ACAD9: variants seen among roughly 807,000 people sequenced by gnomAD.
ACAD9 encodes the protein complex I assembly factor ACAD9, mitochondrial.
Under a neutral mutation model 70.2 loss-of-function variants are expected in ACAD9, and 53 were observed. The ratio of observed to expected loss-of-function variants is 0.75; its 90% CI spans 0.61 to 0.95. ACAD9 has a LOEUF of 0.95. Ranked by LOEUF, ACAD9 falls within the 40% of genes least tolerant of loss-of-function variation. The probability of loss-of-function intolerance (pLI) is 0.00; values close to 1 mark genes in which losing one functional copy is unlikely to be tolerated. For missense variants in ACAD9, 777 were observed against 802.8 expected (o/e 0.97, Z 0.39); for synonymous variants, 313 against 312.1 (o/e 1.00, Z -0.03).
rs1553731808 is a variant in ACAD9, at chr3:128,904,415, T to G, written c.1059T>G (p.Ala353=). 2 of 1,614,256 alleles carry G rather than the reference T, an allele frequency of 1.2e-6. No homozygotes were observed. The highest frequency in any genetic ancestry group is 1.7e-6 in the Non-Finnish European group (2 of 1,180,058). ...QEKFALMAQK[A]YVMESMTYLT... ...AATTTGCACTGATGGCTCAGAAGGC[T>G]TACGTCATGGAGAGTATGACCTACC... Residue 353 remains alanine, a synonymous_variant, in exon 11 of 18, where the codon GCT becomes GCG. Transcript: ENST00000308982.
chr3:128,910,142 A>G lies in ACAD9; in HGVS notation c.1685A>G (p.Asp562Gly), dbSNP rs1217754875. The G allele has an allele frequency of 6.2e-7, 1 of 1,613,992 alleles. No individual in the cohort carries two copies. Among genetic ancestry groups the G allele is most frequent in the Non-Finnish European group, 8.5e-7 (1 of 1,180,026 alleles). ...ATCCGCATTGGGCTCCGCAACCACGACCACGAGGTGAGCCCAGCCCAGCCT... is the reference window on the plus strand; with the variant it reads ...ATCCGCATTGGGCTCCGCAACCACGGCCACGAGGTGAGCCCAGCCCAGCCT... Reference protein sequence around the residue: ...RSIRIGLRNHDHEVLLANTFC... With the variant: ...RSIRIGLRNHGHEVLLANTFC... Residue 562 changes from aspartate (D) to glycine (G), a missense_variant, in exon 16 of 18, where the codon GAC becomes GGC. Asp to Gly is a moderately conservative substitution (Grantham distance 94). Coordinates refer to ENST00000308982, the MANE Select transcript of ACAD9 (RefSeq NM_014049.5).
At position 128,902,582 on chromosome 3, in the gene ACAD9, G is replaced by T. The variant is rs376430972; in HGVS notation, c.912G>T (p.Arg304=). The T allele has an allele frequency of 6.2e-7, 1 of 1,614,190 alleles. No individual in the cohort carries two copies. The highest frequency in any genetic ancestry group is 1.7e-5 in the Admixed American group (1 of 60,030). ...CCATGAACATCCTCAACAGCGGCCG[G>T]TTCAGCATGGGCAGCGTCGTGGCTG... ...KVAMNILNSG[R]FSMGSVVAGL... is the part of the protein sequence containing the mutation. Residue 304 remains arginine (R), a synonymous_variant, in exon 9 of 18, where the codon CGG becomes CGT. Transcript: ENST00000308982. The surrounding 1 kb of genome is among the most constrained non-coding windows in gnomAD (Gnocchi z 4.0).
intron 9 of ACAD9, among the ~76,000 whole-genome samples, chr3:128,903,403 T>A (rs887499318): frequency 6.6e-6 from 1 of 152,208 alleles, no homozygotes; most frequent in African/African-American, 2.4e-5. Flanking sequence ...CTCTTCTTAC[T>A]CAGGCACAAG....
chr3:128,906,317 C>T (rs1935890413), intron 12 of ACAD9, 68 bp downstream of exon 12: 6 of 1,598,286 alleles, frequency 3.8e-6, no homozygotes, highest in African/African-American at 1.3e-5. Context: ...AGATGCTGCT[C>T]AGGGCCTCGC....
chr3:128,901,765 A>G (rs1935746708), intron 8 of ACAD9, among the ~76,000 whole-genome samples: 1 of 152,226 alleles, frequency 6.6e-6, no homozygotes, highest in East Asian at 1.9e-4. Context: ...CCATTTTAAA[A>G]TATTATTTCA....
intron 11 of ACAD9, 74 bp downstream of exon 11, chr3:128,904,579 C>T (rs932752961): frequency 6.4e-7 from 1 of 1,562,010 alleles, no homozygotes; most frequent in Middle Eastern, 1.8e-4. Flanking sequence ...ACCTTTCAAG[C>T]CCATGCTGTT....
At position 128,910,101 on chromosome 3, in the gene ACAD9, G is replaced by A. The variant is rs771433168; in HGVS notation, c.1644G>A (p.Ser548=). 9 of 1,613,696 alleles carry A rather than the reference G, an allele frequency of 5.6e-6. No homozygotes were observed. The highest frequency in any genetic ancestry group is 1.7e-5 in the Admixed American group (1 of 60,004). The change falls in exon 16 of 18, where the codon TCG becomes TCA. Residue 548 remains serine (S), a synonymous_variant. Coordinates refer to ENST00000308982, the MANE Select transcript of ACAD9 (RefSeq NM_014049.5). Reference sequence around the variant, plus strand: ...TGTATGGCATGACGGCCGTGCTGTCGCGGGCCAGCCGCTCCATCCGCATTG... The same window carrying A: ...TGTATGGCATGACGGCCGTGCTGTCACGGGCCAGCCGCTCCATCCGCATTG... The part of the protein sequence containing the change: ...INLYGMTAVL[S]RASRSIRIGL...
intron 2 of ACAD9, among the ~76,000 whole-genome samples, chr3:128,890,686 A>G (rs995454391): frequency 1.3e-5 from 2 of 152,064 alleles, no homozygotes; most frequent in African/African-American, 4.8e-5. Context: ...TGGGCGACAG[A>G]ACAAGACTCC....
At position 128,909,044 on chromosome 3, in the gene ACAD9, G is replaced by T. The variant is rs4494951; in HGVS notation, c.1430G>T (p.Arg477Leu). The change falls in exon 14 of 18, where the codon CGA becomes CTA. Residue 477 changes from arginine (R) to leucine (L), a missense_variant. Coordinates refer to ENST00000308982, the MANE Select transcript of ACAD9 (RefSeq NM_014049.5). ...VGRRLRDSLGRTVDLGLTGNH... is the reference protein window; with the variant it reads ...VGRRLRDSLGLTVDLGLTGNH... The stretch of plus-strand genomic sequence containing the variant: ...CGGAGGCTTCGGGACTCCCTGGGCC[G>T]AACTGTGGACCTGGGGCTGACAGGC... The T allele has an allele frequency of 6.2e-7, 1 of 1,614,020 alleles. No homozygotes were observed. Among genetic ancestry groups the T allele is most frequent in the Admixed American group, 1.7e-5 (1 of 60,010 alleles).
intron 17 of ACAD9, among the ~76,000 whole-genome samples, chr3:128,911,898 T>A (rs1181421131): frequency 1.3e-5 from 2 of 152,200 alleles, no homozygotes; most frequent in African/African-American, 4.8e-5. Flanking sequence ...GGCCTTGGCC[T>A]AGAGAACAGA....
At chr3:128,880,229 G>A in intron 1 of ACAD9, 1 of 375,180 alleles carries the variant, frequency 2.7e-6, no homozygotes, top group South Asian at 2.2e-5. Context: ...CAGCGCCCTG[G>A]GGCTTCCTTC....
rs755546330 is a variant in ACAD9, at chr3:128,880,030, C to G, written c.150+189C>G. 341 of 1,540,846 alleles carry G rather than the reference C, an allele frequency of 2.2e-4. 1 individual carries two copies. The highest frequency in any genetic ancestry group is 2.9e-4 in the Non-Finnish European group (331 of 1,143,702). On this transcript the variant is annotated intron_variant, in intron 1 of 17. Coordinates refer to ENST00000308982, the MANE Select transcript of ACAD9 (RefSeq NM_014049.5). ...TCCCAGAGAAAGGGTGAGACATTTC[C>G]AAGACGGGGGACCCTTGGAAATGTG...
At chr3:128,911,343 C>T (rs1936290918) in intron 17 of ACAD9, among the ~76,000 whole-genome samples, 1 of 152,090 alleles carries the variant, frequency 6.6e-6, no homozygotes, top group Non-Finnish European at 1.5e-5. Context: ...CAGGCATGAG[C>T]CACCGCACCG....
intron 16 of ACAD9, 128 bp from the exon 17 acceptor site, chr3:128,910,613 G>A (rs571144935): frequency 9.9e-7 from 1 of 1,009,178 alleles, no homozygotes; most frequent in African/African-American, 1.6e-5. Context: ...CCAAGACGGG[G>A]TGACTCCTGT....
chr3:128,910,051 C>T lies in ACAD9; in HGVS notation c.1594C>T (p.Arg532Trp), dbSNP rs377022708. The change falls in exon 16 of 18, where the codon CGG becomes TGG. Residue 532 changes from arginine to tryptophan, a missense_variant. By Grantham distance (101) the Arg-to-Trp change is moderately radical. Transcript: ENST00000308982. ...CATGGAGGAGCAGCTGGTACTGAAG[C>T]GGGTGGCCAACATCCTCATCAACCT... ...TIMEEQLVLK[R>W]VANILINLYG... 2.4e-5 allele frequency: 38 copies of T among 1,613,724 alleles called. No individual in the cohort carries two copies. Among genetic ancestry groups the T allele is most frequent in the Non-Finnish European group, 2.9e-5 (34 of 1,179,976 alleles).
At chr3:128,904,746 T>C (rs570831726) in intron 11 of ACAD9, among the ~76,000 whole-genome samples, 4 of 152,346 alleles carry the variant, frequency 2.6e-5, no homozygotes, top group African/African-American at 9.6e-5. Flanking sequence ...GTTATGATAA[T>C]ATCCTTTTAG....
At chr3:128,908,336 G>A in intron 13 of ACAD9, 72 bp downstream of exon 13, 1 of 1,559,386 alleles carries the variant, frequency 6.4e-7, no homozygotes, top group Non-Finnish European at 8.8e-7. Context: ...AGGGCAGTGG[G>A]AGGAAAGAGC....
At chr3:128,892,434 C>T (rs1325981365) in intron 2 of ACAD9, among the ~76,000 whole-genome samples, 1 of 152,164 alleles carries the variant, frequency 6.6e-6, no homozygotes, top group Non-Finnish European at 1.5e-5. Flanking sequence ...GTTTAATTAG[C>T]AATTCAGAAG....
chr3:128,880,145 C>G, intron 1 of ACAD9: 1 of 827,838 alleles, frequency 1.2e-6, no homozygotes, highest in South Asian at 1.7e-5. Context: ...CTCAGCTGGT[C>G]TGGTCTGGAA....
Sources: allele counts gnomAD v4.1 joint callset (sites outside exome capture counted in the v4.1 genomes callset), GRCh38; gene constraint gnomAD v4.1.1; non-coding constraint Gnocchi (gnomAD v3.1); transcripts MANE v1.5; gene names NCBI Gene and HGNC (gene_info 2026-07-23, HGNC 2026-07-21).